PCDHGB7: variants seen among roughly 807,000 people sequenced by gnomAD.
PCDHGB7 encodes protocadherin gamma-B7.
In PCDHGB7, 37 loss-of-function variants were observed where a neutral mutation model predicts 61.4. The observed-to-expected ratio is 0.60, with a 90% CI of 0.46 to 0.79. The LOEUF is 0.79. Among genes scored for constraint, PCDHGB7 ranks in the 30% least tolerant of loss-of-function variants. The probability of loss-of-function intolerance (pLI) is 0.00; values close to 1 mark genes in which losing one functional copy is unlikely to be tolerated. For missense variants in PCDHGB7, 1,166 were observed against 1,202.5 expected, an observed-to-expected ratio of 0.97 and a Z score of 0.45; for synonymous variants, 464 against 503.5, an observed-to-expected ratio of 0.92 and a Z score of 1.05.
At chr5:141,422,957 A>C in intron 1 of PCDHGB7, 1 of 1,614,190 alleles carries the variant, frequency 6.2e-7, no homozygotes. Flanking sequence ...ACTGGCGTGG[A>C]GCTGGCGCCC....
In PCDHGB7 at chr5:141,432,265, G is replaced by A. The variant is rs756993242; in HGVS notation, c.2415+11991G>A. On this transcript the variant is annotated intron_variant, in intron 1 of 3. Transcript: ENST00000398594. The surrounding 1 kb of genome is among the most constrained non-coding windows in gnomAD (Gnocchi z 6.0). ...ACACCATCCAAGGGGCAAGCCTATCGTCCTACGTGTCCATCAACTCCGACA... is the reference window on the plus strand; with the variant it reads ...ACACCATCCAAGGGGCAAGCCTATCATCCTACGTGTCCATCAACTCCGACA... 2.5e-6 allele frequency: 4 copies of A among 1,614,092 alleles called. No individual in the cohort carries two copies. The highest frequency in any genetic ancestry group is 1.7e-5 in the Admixed American group (1 of 60,004).
chr5:141,421,498 A>T (rs1303740754), intron 1 of PCDHGB7: 2 of 1,613,952 alleles, frequency 1.2e-6, no homozygotes, highest in African/African-American at 1.3e-5. Context: ...GGCAGGCAGG[A>T]TAGACCGGGA....
At chr5:141,450,817 A>T (rs1302552522) in intron 1 of PCDHGB7, among the ~76,000 whole-genome samples, 1 of 137,468 alleles carries the variant, frequency 7.3e-6, no homozygotes, top group Non-Finnish European at 1.5e-5. Context: ...TTTATTTAAT[A>T]TTATTATTAT....
In PCDHGB7 at chr5:141,431,788, T is replaced by G. The variant is rs775397713; in HGVS notation, c.2415+11514T>G. 1 of 1,614,190 alleles carries G rather than the reference T, an allele frequency of 6.2e-7. No homozygotes were observed. The highest frequency in any genetic ancestry group is 1.1e-5 in the South Asian group (1 of 91,080). ...TCACTGTTCTGGACGTGAACGACAA[T>G]GCCCCAGAAGTGGTCCTCACCTCTC... On this transcript the variant is annotated intron_variant, in intron 1 of 3. Coordinates refer to ENST00000398594, the MANE Select transcript of PCDHGB7 (RefSeq NM_018927.4). The surrounding 1 kb of genome is among the most constrained non-coding windows in gnomAD (Gnocchi z 4.8).
At position 141,476,717 on chromosome 5, in the gene PCDHGB7, G is replaced by A. The variant is rs2099397053; in HGVS notation, c.2416-18090G>A. 6.2e-7 allele frequency: 1 copy of A among 1,614,048 alleles called. No homozygotes were observed. The stretch of plus-strand genomic sequence containing the variant: ...GTACGCGGAGCTGGTGTTGGAGCGC[G>A]CCCTGGACCGAGAACGGGAGCCTAG... On this transcript the variant is annotated intron_variant, in intron 1 of 3. Transcript: ENST00000398594. This position sits in a 1 kb window ranked among gnomAD's most constrained non-coding sequence, Gnocchi z 7.6.
At chr5:141,464,982 T>A (rs914697541) in intron 1 of PCDHGB7, among the ~76,000 whole-genome samples, 1 of 152,030 alleles carries the variant, frequency 6.6e-6, no homozygotes, top group Non-Finnish European at 1.5e-5. Context: ...CTTCAAGTGA[T>A]CCTCCCACCT....
In PCDHGB7 at chr5:141,491,927, G is replaced by A. The variant is rs1314503730; in HGVS notation, c.2416-2880G>A. 3 of 1,309,982 alleles carry A rather than the reference G, an allele frequency of 2.3e-6. No individual in the cohort carries two copies. In the African/African-American group the frequency reaches 4.5e-5, roughly 20 times the overall value. 81.1% of individuals were successfully genotyped at this position (1,309,982 alleles called of 1,614,324 possible). A position where few individuals can be genotyped will look rare whatever the true frequency, so the allele number is the denominator to read the frequency against. On this transcript the variant is annotated intron_variant, in intron 1 of 3. Coordinates refer to ENST00000398594, the MANE Select transcript of PCDHGB7 (RefSeq NM_018927.4). The surrounding 1 kb of genome is among the most constrained non-coding windows in gnomAD (Gnocchi z 6.9). ...GTGGTGGCGACTGTGGGCGAGGGGAGGTGGGACCGACCCCCACCCCTACAC... is the reference window on the plus strand; with the variant it reads ...GTGGTGGCGACTGTGGGCGAGGGGAAGTGGGACCGACCCCCACCCCTACAC...
rs149314216 is a variant in PCDHGB7, at chr5:141,487,041, G to A, written c.2416-7766G>A. 2.1e-3 allele frequency: 3,442 copies of A among 1,614,128 alleles called. 3 individuals carry two copies. Among genetic ancestry groups the A allele is most frequent in the Non-Finnish European group, 2.7e-3 (3,235 of 1,180,026 alleles). ...GATCCCAGCCTGTTTGCAGTCTCTC[G>A]ATATGCTGGGGAGGTGCGGACGGCT... On this transcript the variant is annotated intron_variant, in intron 1 of 3. Transcript: ENST00000398594. The surrounding 1 kb of genome is among the most constrained non-coding windows in gnomAD (Gnocchi z 5.0).
intron 1 of PCDHGB7, chr5:141,428,329 A>G (rs928788851): frequency 4.8e-6 from 3 of 627,180 alleles, no homozygotes; most frequent in South Asian, 3.5e-5. Context: ...CTTGATTTCT[A>G]TGCTCTTCTT....
intron 1 of PCDHGB7, among the ~76,000 whole-genome samples, chr5:141,468,000 C>G (rs1429450909): frequency 6.6e-6 from 1 of 152,028 alleles, no homozygotes; most frequent in East Asian, 1.9e-4. Flanking sequence ...ATTCTTTCTT[C>G]CTCTGTTATA....
intron 2 of PCDHGB7, among the ~76,000 whole-genome samples, chr5:141,504,869 C>T (rs919109041): frequency 6.6e-6 from 1 of 152,134 alleles, no homozygotes; most frequent in Admixed American, 6.5e-5. Flanking sequence ...CCCACCTTCA[C>T]AGTCCTCTGG....
chr5:141,418,548 T>C lies in PCDHGB7; in HGVS notation c.689T>C (p.Ile230Thr). The C allele has an allele frequency of 6.2e-7, 1 of 1,613,964 alleles. No individual in the cohort carries two copies. Among genetic ancestry groups the C allele is most frequent in the Non-Finnish European group, 8.5e-7 (1 of 1,179,892 alleles). ...PPRSGTAQIRILVIDANDNPP... is the reference protein window; with the variant it reads ...PPRSGTAQIRTLVIDANDNPP... ...CGAAGCGGTACTGCTCAGATAAGAA[T>C]CCTGGTAATAGATGCCAATGACAAC... Residue 230 changes from isoleucine (I) to threonine (T), a missense_variant, in exon 1 of 4, where the codon ATC (isoleucine) becomes ACC (threonine). Coordinates refer to ENST00000398594, the MANE Select transcript of PCDHGB7 (RefSeq NM_018927.4).
Position 141,511,375 on chromosome 5 carries a change from A to G in PCDHGB7, c.*202A>G. 2 of 1,236,730 alleles carry G rather than the reference A, an allele frequency of 1.6e-6. No individual in the cohort carries two copies. The highest frequency in any genetic ancestry group is 2.2e-6 in the Non-Finnish European group (2 of 912,840). 76.6% of individuals were successfully genotyped at this position (1,236,730 alleles called of 1,614,324 possible). A position where few individuals can be genotyped will look rare whatever the true frequency, so the allele number is the denominator to read the frequency against. On this transcript the variant is annotated 3_prime_UTR_variant, in exon 4 of 4. Coordinates refer to ENST00000398594, the MANE Select transcript of PCDHGB7 (RefSeq NM_018927.4). ...CCCAGGGGGTTGAATATGCAAAAGCAGTTCCGCTGGGAACCCCCATCCAAT... is the reference window on the plus strand; with the variant it reads ...CCCAGGGGGTTGAATATGCAAAAGCGGTTCCGCTGGGAACCCCCATCCAAT...
chr5:141,505,507 A>G, intron 3 of PCDHGB7, 26 bp downstream of exon 3: 1 of 1,614,004 alleles, frequency 6.2e-7, no homozygotes, highest in South Asian at 1.1e-5. Flanking sequence ...GTGTGTATGG[A>G]AGAGTGGGAG....
rs947567666 is a variant in PCDHGB7, at chr5:141,422,270, T to C, written c.2415+1996T>C. ...GATGTGAATGATAACGCTCCAGAAA[T>C]AACTATCACCTCTTCTATTAATTCA... On this transcript the variant is annotated intron_variant, in intron 1 of 3. Transcript: ENST00000398594. 2.6e-6 allele frequency: 4 copies of C among 1,562,452 alleles called. No homozygotes were observed. The East Asian group carries it at 9.0e-5, about 35-fold the overall frequency.
At position 141,494,788 on chromosome 5, in the gene PCDHGB7, C is replaced by T. The variant is rs2099756942; in HGVS notation, c.2416-19C>T. The T allele has an allele frequency of 6.2e-7, 1 of 1,614,116 alleles. No homozygotes were observed. The highest frequency in any genetic ancestry group is 8.5e-7 in the Non-Finnish European group (1 of 1,180,000). On this transcript the variant is annotated intron_variant, in intron 1 of 3. Transcript: ENST00000398594. ...CTTCTCACGGGTACTCAGCCCCTTTCCCTCTGTTTTCTCCACAGCAAGCCC... is the reference window on the plus strand; with the variant it reads ...CTTCTCACGGGTACTCAGCCCCTTTTCCTCTGTTTTCTCCACAGCAAGCCC...
intron 2 of PCDHGB7, among the ~76,000 whole-genome samples, chr5:141,502,857 ACT>A (rs1332453483): frequency 7.7e-5 from 7 of 91,446 alleles, no homozygotes; most frequent in African/African-American, 4.1e-4. Flanking sequence ...CCTAACCCTG[ACT>A]CTCTGTCTTT....
chr5:141,505,711 A>C (rs372711957), intron 3 of PCDHGB7, among the ~76,000 whole-genome samples: 17 of 152,058 alleles, frequency 1.1e-4, no homozygotes, highest in Admixed American at 2.6e-4. Context: ...CAAGGAAAAG[A>C]CTCATGGAGG....
Position 141,511,207 on chromosome 5 carries a change from T to A in PCDHGB7, c.*34T>A, listed in dbSNP as rs773761839. ...CCAGGCCAAGAGCCACAGGGCGGCC[T>A]CTCCCCAACCAGCCCAGCTTCTCCT... On this transcript the variant is annotated 3_prime_UTR_variant, in exon 4 of 4. Transcript: ENST00000398594. 1 of 1,611,162 alleles carries A rather than the reference T, an allele frequency of 6.2e-7. No individual in the cohort carries two copies. The highest frequency in any genetic ancestry group is 1.1e-5 in the South Asian group (1 of 90,702).
Sources: allele counts gnomAD v4.1 joint callset (sites outside exome capture counted in the v4.1 genomes callset), GRCh38; gene constraint gnomAD v4.1.1; non-coding constraint Gnocchi (gnomAD v3.1); transcripts MANE v1.5; gene names NCBI Gene and HGNC (gene_info 2026-07-23, HGNC 2026-07-21).